TAF4B: variants seen among roughly 807,000 people sequenced by gnomAD.
TAF4B encodes the protein transcription initiation factor TFIID subunit 4B.
In TAF4B, 38 loss-of-function variants were observed where a neutral mutation model predicts 86.4. That is an observed-to-expected ratio of 0.44 (90% confidence interval 0.34 to 0.58). The LOEUF (loss-of-function observed/expected upper bound fraction) is 0.58, where lower values mean the gene tolerates loss of function less well. Among genes scored for constraint, TAF4B ranks in the 20% least tolerant of loss-of-function variants. The probability of loss-of-function intolerance (pLI) is 0.02; values close to 1 mark genes in which losing one functional copy is unlikely to be tolerated. For synonymous variants in TAF4B, 388 were observed against 391.2 expected (o/e 0.99, Z 0.10); for missense variants, 988 against 1,027.6 (o/e 0.96, Z 0.53).
At chr18:26,310,879 A>T (rs1439477359) in intron 9 of TAF4B, among the ~76,000 whole-genome samples, 6 of 152,016 alleles carry the variant, frequency 3.9e-5, no homozygotes, top group Non-Finnish European at 7.4e-5. Flanking sequence ...ATGGTACATG[A>T]CAAGATGGAG....
At chr18:26,304,134 A>G (rs76360889) in intron 9 of TAF4B, among the ~76,000 whole-genome samples, 3,315 of 148,676 alleles carry the variant, frequency 0.022, 63 homozygotes, top group Non-Finnish European at 0.035. Flanking sequence ...TATATAGACA[A>G]TGTCAAGATT....
chr18:26,366,746 A>G (rs2057374152), intron 14 of TAF4B, among the ~76,000 whole-genome samples: 1 of 152,176 alleles, frequency 6.6e-6, no homozygotes, highest in Non-Finnish European at 1.5e-5. Flanking sequence ...AGGTTAAACC[A>G]TACAAACTTG....
intron 14 of TAF4B, among the ~76,000 whole-genome samples, chr18:26,375,753 AT>A (rs2057438461): frequency 6.6e-6 from 1 of 152,086 alleles, no homozygotes; most frequent in South Asian, 2.1e-4. Context: ...GGTTACTTGT[AT>A]TTAGTTGTCA....
At chr18:26,382,693 A>G (rs1978296580) in intron 14 of TAF4B, among the ~76,000 whole-genome samples, 1 of 152,200 alleles carries the variant, frequency 6.6e-6, no homozygotes, top group African/African-American at 2.4e-5. Flanking sequence ...GTTTATTCAT[A>G]TAAGTGATGT....
chr18:26,253,823 T>TA (rs2056040707), intron 1 of TAF4B, among the ~76,000 whole-genome samples: 1 of 152,210 alleles, frequency 6.6e-6, no homozygotes. Flanking sequence ...ATTTGTTTCA[T>TA]CTAAATTGTC....
At chr18:26,277,057 A>G (rs2056392513) in intron 5 of TAF4B, among the ~76,000 whole-genome samples, 1 of 152,060 alleles carries the variant, frequency 6.6e-6, no homozygotes, top group Admixed American at 6.6e-5. Context: ...TAACATTAAA[A>G]CTGAAAAATG....
At chr18:26,270,568 C>T (rs2056300362) in intron 3 of TAF4B, among the ~76,000 whole-genome samples, 1 of 152,218 alleles carries the variant, frequency 6.6e-6, no homozygotes, top group African/African-American at 2.4e-5. Flanking sequence ...CCTCCCGCCT[C>T]TGCCTTGCAA....
intron 14 of TAF4B, among the ~76,000 whole-genome samples, chr18:26,358,585 CT>C (rs1243683500): frequency 6.6e-6 from 1 of 152,192 alleles, no homozygotes; most frequent in East Asian, 1.9e-4. Flanking sequence ...TGGCGGGCAC[CT>C]GTAGTCCCAG....
At chr18:26,339,184 C>T (rs949764056) in intron 13 of TAF4B, among the ~76,000 whole-genome samples, 1 of 152,098 alleles carries the variant, frequency 6.6e-6, no homozygotes, top group East Asian at 1.9e-4. Flanking sequence ...CTCTTTTTCT[C>T]GCTATTATAA....
At chr18:26,317,011 T>G (rs1319235885) in intron 10 of TAF4B, among the ~76,000 whole-genome samples, 2 of 149,418 alleles carry the variant, frequency 1.3e-5, no homozygotes, top group Admixed American at 1.4e-4. Context: ...GTTTTATCGG[T>G]CACCCTCCCT....
chr18:26,244,768 G>A (rs2055896992), intron 1 of TAF4B, among the ~76,000 whole-genome samples: 1 of 152,220 alleles, frequency 6.6e-6, no homozygotes, highest in Non-Finnish European at 1.5e-5. Context: ...ACAGGGACAG[G>A]GAGTGGTTTT....
intron 13 of TAF4B, among the ~76,000 whole-genome samples, chr18:26,337,916 G>A (rs991643862): frequency 2.6e-5 from 4 of 152,126 alleles, no homozygotes; most frequent in African/African-American, 9.7e-5. Context: ...CCTTATGCTT[G>A]CTTGATTTAG....
chr18:26,301,852 G>C (rs1270645908), intron 9 of TAF4B, among the ~76,000 whole-genome samples: 2 of 152,012 alleles, frequency 1.3e-5, no homozygotes, highest in African/African-American at 2.4e-5. Context: ...ATGCTCTGTT[G>C]GCTTTTCTGC....
chr18:26,365,649 A>G (rs2057366762), intron 14 of TAF4B, among the ~76,000 whole-genome samples: 1 of 152,108 alleles, frequency 6.6e-6, no homozygotes, highest in Non-Finnish European at 1.5e-5. Flanking sequence ...TTGTGGACTT[A>G]ATTATTTTCT....
At chr18:26,234,733 G>A (rs1325812011) in intron 1 of TAF4B, among the ~76,000 whole-genome samples, 11 of 152,184 alleles carry the variant, frequency 7.2e-5, no homozygotes, top group African/African-American at 1.2e-4. Context: ...AGTCATGCTC[G>A]ATTGGTTCTC....
rs2056501259 is a variant in TAF4B, at chr18:26,285,222, G to GTTTTTTTTTTTTGTTTTTTTTTTGTT, written c.973-648_973-647insGTTTTTTTTTTGTTTTTTTTTTTTTT. On this transcript the variant is annotated intron_variant, in intron 6 of 14. Coordinates refer to ENST00000269142, the MANE Select transcript of TAF4B (RefSeq NM_005640.3). ...ATTTCTTCCTTTCCTTTTTTTTTTT[G>GTTTTTTTTTTTTGTTTTTTTTTTGTT]TTTTTTTTTTTTTTGGAGATGGGGT... Among the ~76,000 whole-genome samples, 3 of 45,690 alleles carry GTTTTTTTTTTTTGTTTTTTTTTTGTT rather than the reference G, an allele frequency of 6.6e-5. 1 individual carries two copies. The highest frequency in any genetic ancestry group is 9.0e-5 in the Non-Finnish European group (2 of 22,270). The allele number at this position is 45,690 out of a possible 152,430, so 30.0% of individuals were successfully genotyped here.
In TAF4B at chr18:26,372,317, A is replaced by G. The variant is rs146090561; in HGVS notation, c.2421+14523A>G. 4.6e-3 allele frequency among the ~76,000 whole-genome samples: 700 copies of G among 152,304 alleles called. 4 individuals carry two copies. Among genetic ancestry groups the G allele is most frequent in the African/African-American group, 0.016 (673 of 41,564 alleles). On this transcript the variant is annotated intron_variant, in intron 14 of 14. Transcript: ENST00000269142. ...TATTACATTCCCATTCACCTTGCCT[A>G]TTTGGCTTTGGAGAGTGACAGTGGA...
intron 12 of TAF4B, among the ~76,000 whole-genome samples, chr18:26,329,789 G>C (rs1282052145): frequency 6.6e-6 from 1 of 152,010 alleles, no homozygotes; most frequent in Non-Finnish European, 1.5e-5. Context: ...TTTTAAACTT[G>C]CCATCTCCCC....
chr18:26,334,078 T>C, intron 12 of TAF4B, among the ~76,000 whole-genome samples: 1 of 152,052 alleles, frequency 6.6e-6, no homozygotes, highest in East Asian at 1.9e-4. Context: ...TCTCTGGTGA[T>C]ACTATAACTA....
Sources: allele counts gnomAD v4.1 joint callset (sites outside exome capture counted in the v4.1 genomes callset), GRCh38; gene constraint gnomAD v4.1.1; transcripts MANE v1.5; gene names NCBI Gene and HGNC (gene_info 2026-07-23, HGNC 2026-07-21).